Variants in DIP2B observed in about 807,000 individuals in gnomAD.
The protein encoded by DIP2B is disco-interacting protein 2 homolog B.
DIP2B carries 76 observed loss-of-function variants against 198.0 expected under a neutral mutation model. The observed-to-expected ratio is 0.38, with a 90% CI of 0.32 to 0.46. The LOEUF (loss-of-function observed/expected upper bound fraction) is 0.46, where lower values mean the gene tolerates loss of function less well. Ranked by LOEUF, DIP2B falls within the 20% of genes least tolerant of loss-of-function variation. The pLI is 0.99. For synonymous variants in DIP2B, 701 were observed against 739.1 expected, an observed-to-expected ratio of 0.95 and a Z score of 0.84; for missense variants, 1,559 against 1,978.4, an observed-to-expected ratio of 0.79 and a Z score of 4.02.
intron 1 of DIP2B, among the ~76,000 whole-genome samples, chr12:50,572,492 T>G (rs913944827): frequency 3.3e-5 from 5 of 152,172 alleles, no homozygotes; most frequent in African/African-American, 9.7e-5. Context: ...ACAACTTGAT[T>G]CAGAAAACAT....
At chr12:50,631,169 G>T (rs191868449) in intron 2 of DIP2B, among the ~76,000 whole-genome samples, 1 of 152,012 alleles carries the variant, frequency 6.6e-6, no homozygotes, top group Non-Finnish European at 1.5e-5. Flanking sequence ...CTGTCGCCCA[G>T]GCTGGAGTGC....
At chr12:50,721,561 C>G (rs1939836241) in intron 26 of DIP2B, among the ~76,000 whole-genome samples, 165 bp downstream of exon 26, 1 of 152,200 alleles carries the variant, frequency 6.6e-6, no homozygotes, top group Non-Finnish European at 1.5e-5. Flanking sequence ...AATCCTCACC[C>G]CCCAAGTTGT....
chr12:50,580,758 G>C (rs34867510), intron 1 of DIP2B, among the ~76,000 whole-genome samples: 43,122 of 147,748 alleles, frequency 0.29, 8,245 homozygotes, highest in East Asian at 0.61. Context: ...GGATGAAATT[G>C]CTACTGGCAT....
intron 1 of DIP2B, among the ~76,000 whole-genome samples, chr12:50,573,753 A>G (rs1324269955): frequency 6.6e-6 from 1 of 152,208 alleles, no homozygotes; most frequent in African/African-American, 2.4e-5. Context: ...CAGAATGTGT[A>G]TTTTCCCTTC....
intron 3 of DIP2B, among the ~76,000 whole-genome samples, chr12:50,645,670 G>A (rs1330459714): frequency 2.0e-5 from 3 of 151,966 alleles, no homozygotes; most frequent in Non-Finnish European, 4.4e-5. Flanking sequence ...TGTTGCCCAC[G>A]CTGGTGTCGA....
At chr12:50,555,835 C>G (rs935390801) in intron 1 of DIP2B, among the ~76,000 whole-genome samples, 1 of 152,050 alleles carries the variant, frequency 6.6e-6, no homozygotes, top group Admixed American at 6.6e-5. Context: ...TGCTTCTTGT[C>G]AGTTTCCCAT....
Position 50,625,992 on chromosome 12 carries a change from G to C in DIP2B, c.117G>C (p.Lys39Asn). The C allele has an allele frequency of 6.2e-7, 1 of 1,614,026 alleles. No homozygotes were observed. Among genetic ancestry groups the C allele is most frequent in the Non-Finnish European group, 8.5e-7 (1 of 1,179,988 alleles). ...CTATTTTAGGGGACATCACCCAGAA[G>C]GGCTATGAAAAGAAAAGGTCCAAAC... ...LELSEGDITQKGYEKKRSKLL... is the reference protein window; with the variant it reads ...LELSEGDITQNGYEKKRSKLL... The change falls in exon 2 of 38, where the codon AAG (lysine) becomes AAC (asparagine). Residue 39 changes from lysine (K) to asparagine (N), a missense_variant. By Grantham distance (94) the Lys-to-Asn change is moderately conservative. Coordinates refer to ENST00000301180, the MANE Select transcript of DIP2B (RefSeq NM_173602.3).
intron 3 of DIP2B, 53 bp downstream of exon 3, chr12:50,640,905 G>A: frequency 6.3e-7 from 1 of 1,579,970 alleles, no homozygotes; most frequent in Non-Finnish European, 8.6e-7. Flanking sequence ...ACAGTAGTAT[G>A]AACTGTGTAT....
chr12:50,695,794 A>T, intron 15 of DIP2B, 54 bp from the exon 16 acceptor site: 1 of 1,602,356 alleles, frequency 6.2e-7, no homozygotes, highest in Non-Finnish European at 8.5e-7. Flanking sequence ...GTGGTGTATT[A>T]CATATGTCCC....
chr12:50,632,910 C>T (rs750304356), intron 2 of DIP2B, among the ~76,000 whole-genome samples: 7 of 151,884 alleles, frequency 4.6e-5, no homozygotes, highest in Non-Finnish European at 1.0e-4. Flanking sequence ...TGCACATGCT[C>T]CTTACCTAAA....
chr12:50,618,852 T>G (rs1937750993), intron 1 of DIP2B, among the ~76,000 whole-genome samples: 1 of 152,206 alleles, frequency 6.6e-6, no homozygotes, highest in African/African-American at 2.4e-5. Flanking sequence ...TCATTACCAT[T>G]CTCTCCTTGC....
chr12:50,735,676 G>A (rs1419432539), intron 34 of DIP2B, among the ~76,000 whole-genome samples: 1 of 152,022 alleles, frequency 6.6e-6, no homozygotes, highest in Non-Finnish European at 1.5e-5. Context: ...TGTTGGCCAG[G>A]CTGGTCTTGA....
chr12:50,745,564 A>G lies in DIP2B; in HGVS notation c.*725A>G, dbSNP rs541165932. On this transcript the variant is annotated 3_prime_UTR_variant, in exon 38 of 38. Transcript: ENST00000301180. ...GCAAATTGTTGGCAGGTTTTGCTGC[A>G]CATTGTTCTATGTCTTTGTTGGCTG... is the stretch of plus-strand genomic sequence containing the variant. 8 of 152,636 alleles carry G rather than the reference A, an allele frequency of 5.2e-5. No homozygotes were observed. The highest frequency in any genetic ancestry group is 3.9e-4 in the Admixed American group (6 of 15,294). The allele number at this position is 152,636 out of a possible 1,614,324, so 9.5% of individuals were successfully genotyped here.
chr12:50,545,597 G>T (rs1023582839), intron 1 of DIP2B, among the ~76,000 whole-genome samples: 1 of 151,714 alleles, frequency 6.6e-6, no homozygotes, highest in Admixed American at 6.6e-5. Context: ...GGCTGGTCTT[G>T]AGCTCCTCTG....
chr12:50,617,178 C>T (rs1937714668), intron 1 of DIP2B, among the ~76,000 whole-genome samples: 1 of 146,434 alleles, frequency 6.8e-6, no homozygotes, highest in Non-Finnish European at 1.5e-5. Flanking sequence ...TTTTTTGAGA[C>T]GGAGTCTCGC....
intron 1 of DIP2B, among the ~76,000 whole-genome samples, chr12:50,562,736 GAA>G (rs766675501): frequency 7.8e-6 from 1 of 127,604 alleles, no homozygotes. Flanking sequence ...CCCTGACTCA[GAA>G]AAAAAAAAAA....
At position 50,741,488 on chromosome 12, in the gene DIP2B, C is replaced by A; in HGVS notation, c.4427C>A (p.Pro1476Gln). Residue 1476 changes from proline to glutamine, a missense_variant, in exon 37 of 38, where the codon CCA (proline) becomes CAA (glutamine). By Grantham distance (76) the Pro-to-Gln change is moderately conservative (BLOSUM62 -1). Coordinates refer to ENST00000301180, the MANE Select transcript of DIP2B (RefSeq NM_173602.3). Reference protein sequence around the residue: ...TLELRGLRYHPIDIETSVSRI... With the variant: ...TLELRGLRYHQIDIETSVSRI... ...GAGCTGAGAGGATTACGATACCACC[C>A]AATTGATATTGAGACCTCGGTGTCC... is the stretch of plus-strand genomic sequence containing the variant. The A allele has an allele frequency of 6.2e-7, 1 of 1,614,172 alleles. No individual in the cohort carries two copies. Among genetic ancestry groups the A allele is most frequent in the Non-Finnish European group, 8.5e-7 (1 of 1,180,020 alleles).
intron 3 of DIP2B, among the ~76,000 whole-genome samples, chr12:50,656,773 C>T (rs1203905539): frequency 2.0e-5 from 3 of 151,990 alleles, no homozygotes; most frequent in East Asian, 1.9e-4. Flanking sequence ...GGTTTTGCCA[C>T]GTTGGTCAGG....
chr12:50,626,250 C>T (rs1937932858), intron 2 of DIP2B, among the ~76,000 whole-genome samples: 1 of 152,158 alleles, frequency 6.6e-6, no homozygotes. Context: ...TACCTAAGGT[C>T]ATCAGATAAT....
Sources: gnomAD v4.1 joint callset for allele counts (sites outside exome capture counted in the v4.1 genomes callset) on GRCh38, gnomAD v4.1.1 for gene constraint, MANE v1.5 for transcripts, NCBI Gene and HGNC (gene_info 2026-07-23, HGNC 2026-07-21) for gene names.